The following LRRC7 variants were observed in gnomAD, a reference collection of about 807,000 sequenced individuals.
The protein encoded by LRRC7 is leucine rich repeat containing 7, also known as leucine-rich repeat-containing protein 7.
A neutral mutation model predicts 175.7 loss-of-function variants in LRRC7; 23 were observed. The observed-to-expected ratio is 0.13, with a 90% CI of 0.09 to 0.19. The LOEUF (loss-of-function observed/expected upper bound fraction) is 0.19, where lower values mean the gene tolerates loss of function less well. LRRC7 is among the 10% of genes least tolerant of loss of function. The pLI is 1.00. For missense variants in LRRC7, 1,354 were observed against 1,904.7 expected (o/e 0.71, Z 5.38); for synonymous variants, 685 against 680.9 (o/e 1.01, Z -0.09).
chr1:69,881,089 T>G (rs1046197287), intron 7 of LRRC7, among the ~76,000 whole-genome samples: 1 of 152,216 alleles, frequency 6.6e-6, no homozygotes, highest in African/African-American at 2.4e-5. Context: ...TGTTATCACA[T>G]CATATTTTAA....
At chr1:69,857,899 G>A (rs899894048) in intron 7 of LRRC7, among the ~76,000 whole-genome samples, 42 of 152,092 alleles carry the variant, frequency 2.8e-4, no homozygotes, top group South Asian at 4.2e-4. Context: ...CATGGTACTC[G>A]TACCAAAACA....
At chr1:70,097,206 G>C (rs2102186852) in intron 25 of LRRC7, among the ~76,000 whole-genome samples, 1 of 152,142 alleles carries the variant, frequency 6.6e-6, no homozygotes, top group African/African-American at 2.4e-5. Flanking sequence ...CACTTTATTA[G>C]TCAACATATC....
At chr1:69,639,780 A>G (rs542656553) in intron 1 of LRRC7, among the ~76,000 whole-genome samples, 1 of 151,820 alleles carries the variant, frequency 6.6e-6, no homozygotes, top group South Asian at 2.1e-4. Context: ...TCCTGCCAGG[A>G]TTTGAATTAT....
At chr1:69,862,996 A>T (rs1247981809) in intron 7 of LRRC7, among the ~76,000 whole-genome samples, 1 of 152,310 alleles carries the variant, frequency 6.6e-6, no homozygotes, top group Non-Finnish European at 1.5e-5. Context: ...CAAGAGTTTC[A>T]GTATTGAATT....
intron 21 of LRRC7, among the ~76,000 whole-genome samples, chr1:70,041,137 C>G (rs964168056): frequency 5.3e-5 from 8 of 152,224 alleles, no homozygotes; most frequent in Admixed American, 1.3e-4. Flanking sequence ...TAATAATATA[C>G]TATCGCATTG....
At chr1:69,738,062 G>T (rs1056548574) in intron 2 of LRRC7, among the ~76,000 whole-genome samples, 2 of 151,944 alleles carry the variant, frequency 1.3e-5, no homozygotes, top group Non-Finnish European at 2.9e-5. Context: ...TATTCCAGAG[G>T]ATGACACATC....
At chr1:69,896,265 T>C (rs1022508328) in intron 7 of LRRC7, among the ~76,000 whole-genome samples, 22 of 152,266 alleles carry the variant, frequency 1.4e-4, no homozygotes, top group Admixed American at 1.4e-3. Context: ...TTGAGATATT[T>C]ATAACCTTAA....
chr1:70,109,576 G>T (rs564750537), intron 26 of LRRC7, among the ~76,000 whole-genome samples: 1 of 152,208 alleles, frequency 6.6e-6, no homozygotes, highest in East Asian at 1.9e-4. Flanking sequence ...CTTTATTATG[G>T]AAGTTCTATA....
At chr1:69,837,607 G>C (rs906287352) in intron 6 of LRRC7, among the ~76,000 whole-genome samples, 4 of 151,696 alleles carry the variant, frequency 2.6e-5, no homozygotes, top group Non-Finnish European at 5.9e-5. Flanking sequence ...ATAATCTCTT[G>C]AGAGAAATTA....
At chr1:70,032,057 A>G (rs1164806680) in intron 18 of LRRC7, among the ~76,000 whole-genome samples, 1 of 152,178 alleles carries the variant, frequency 6.6e-6, no homozygotes, top group Non-Finnish European at 1.5e-5. Flanking sequence ...TTGGCTTCCC[A>G]AAGTGCTGGG....
intron 2 of LRRC7, among the ~76,000 whole-genome samples, chr1:69,710,582 T>C (rs1439768504): frequency 1.3e-5 from 2 of 152,194 alleles, no homozygotes; most frequent in Non-Finnish European, 2.9e-5. Flanking sequence ...ACCATGTGCA[T>C]GAAAGAAACT....
At chr1:69,998,388 CA>C (rs1480328762) in intron 11 of LRRC7, among the ~76,000 whole-genome samples, 1 of 152,144 alleles carries the variant, frequency 6.6e-6, no homozygotes, top group African/African-American at 2.4e-5. Flanking sequence ...CTCAGATGTT[CA>C]GACTTTGAAG....
intron 8 of LRRC7, among the ~76,000 whole-genome samples, chr1:69,947,272 G>A (rs920262206): frequency 6.6e-6 from 1 of 152,008 alleles, no homozygotes; most frequent in African/African-American, 2.4e-5. Flanking sequence ...TACTGATGGA[G>A]AAGGACTTAG....
chr1:69,703,713 G>A (rs958986244), intron 2 of LRRC7, among the ~76,000 whole-genome samples: 7 of 151,750 alleles, frequency 4.6e-5, no homozygotes, highest in Admixed American at 3.3e-4. Flanking sequence ...TATGTTTGCC[G>A]GTGTGTGTAC....
At chr1:69,582,914 T>C (rs534291938) in intron 1 of LRRC7, among the ~76,000 whole-genome samples, 8 of 152,284 alleles carry the variant, frequency 5.3e-5, no homozygotes, top group African/African-American at 1.7e-4. Flanking sequence ...TACAAATTTC[T>C]CAAGTAAATT....
At chr1:69,874,034 T>C (rs1685809154) in intron 7 of LRRC7, 1 of 152,182 alleles carries the variant, frequency 6.6e-6, no homozygotes, top group Admixed American at 6.6e-5. Context: ...TCATACTCCC[T>C]GATGATGTTC....
intron 2 of LRRC7, among the ~76,000 whole-genome samples, chr1:69,713,151 C>T (rs1056067758): frequency 1.3e-5 from 2 of 151,978 alleles, no homozygotes; most frequent in African/African-American, 2.4e-5. Context: ...ATAATAATAA[C>T]AAATACCCTT....
chr1:69,831,482 T>C (rs1169153077), intron 5 of LRRC7, among the ~76,000 whole-genome samples: 1 of 152,056 alleles, frequency 6.6e-6, no homozygotes, highest in Non-Finnish European at 1.5e-5. Flanking sequence ...TCAAGGACTG[T>C]AAACCCTGCC....
At position 70,036,213 on chromosome 1, in the gene LRRC7, G is replaced by T. The variant is rs1659294270; in HGVS notation, c.2088G>T (p.Leu696=). 1.9e-6 allele frequency: 3 copies of T among 1,613,006 alleles called. No homozygotes were observed. Among genetic ancestry groups the T allele is most frequent in the Non-Finnish European group, 2.5e-6 (3 of 1,179,572 alleles). The change falls in exon 19 of 27, where the codon CTG becomes CTT. Residue 696 remains leucine (L), a synonymous_variant. Transcript: ENST00000651989. ...CTCTGTACCCACCCAAACTTGTTCT[G>T]CTAGGGAAGGACAAAAAAGGTAACA... ...ETPLYPPKLV[L]LGKDKKESTD...
Sources: allele counts gnomAD v4.1 joint callset (sites outside exome capture counted in the v4.1 genomes callset), GRCh38; gene constraint gnomAD v4.1.1; transcripts MANE v1.5; gene names NCBI Gene and HGNC (gene_info 2026-07-23, HGNC 2026-07-21).